The following FGF14 variants were observed in gnomAD, a reference collection of about 807,000 sequenced individuals.
FGF14 encodes fibroblast growth factor homologous factor 4.
Under a neutral mutation model 25.5 loss-of-function variants are expected in FGF14, and 5 were observed. The observed-to-expected ratio is 0.20, with a 90% CI of 0.10 to 0.41. The LOEUF (loss-of-function observed/expected upper bound fraction) is 0.41, where lower values mean the gene tolerates loss of function less well. Ranked by LOEUF, FGF14 falls within the 10% of genes least tolerant of loss-of-function variation. The probability of loss-of-function intolerance (pLI) is 1.00; values close to 1 mark genes in which losing one functional copy is unlikely to be tolerated. For missense variants in FGF14, 222 were observed against 320.1 expected (o/e 0.69, Z 2.34); for synonymous variants, 138 against 118.3 (o/e 1.17, Z -1.08).
At chr13:101,917,171 C>CCGCCGCCGG (rs994266823), upstream of FGF14, among the ~76,000 whole-genome samples, 1 of 150,244 alleles carries the variant, frequency 6.7e-6, no homozygotes, top group East Asian at 2.0e-4. Context: ...CGGGCCGGTG[C>CCGCCGCCGG]CGCCGCCGGC....
chr13:102,157,207 C>A (rs1331525911), intron 1 of FGF14, among the ~76,000 whole-genome samples: 2 of 152,170 alleles, frequency 1.3e-5, no homozygotes, highest in Non-Finnish European at 2.9e-5. Context: ...CAAGTCAATC[C>A]TAAGCCAAAA....
In FGF14 at chr13:101,714,488, T is replaced by C. The variant is rs1424298234; in HGVS notation, c.*8343A>G. On this transcript the variant is annotated 3_prime_UTR_variant, in exon 5 of 5. Coordinates refer to ENST00000376143, the MANE Select transcript of FGF14 (RefSeq NM_004115.4). ...TTGTTCTGCTGAAGAGTGGTATATTTCTGGGGAGTTCTGTGACTGTGATGA... is the reference window on the plus strand; with the variant it reads ...TTGTTCTGCTGAAGAGTGGTATATTCCTGGGGAGTTCTGTGACTGTGATGA... 13 of 1,613,066 alleles carry C rather than the reference T, an allele frequency of 8.1e-6. No homozygotes were observed. Among genetic ancestry groups the C allele is most frequent in the Non-Finnish European group, 1.7e-6 (2 of 1,179,164 alleles).
rs118016981 is a variant in FGF14, at chr13:101,787,576, A to G, written c.409-60766T>C. Among the ~76,000 whole-genome samples, 70 of 152,276 alleles carry G rather than the reference A, an allele frequency of 4.6e-4. 2 individuals carry two copies. In the East Asian group the frequency reaches 0.014, roughly 29 times the overall value. ...CAACGCATAACCCTACATGGTTCTC[A>G]GGAGAAACTCCCTGTGCTTTCTGAT... is the stretch of plus-strand genomic sequence containing the variant. On this transcript the variant is annotated intron_variant, in intron 3 of 4. Coordinates refer to ENST00000376143, the MANE Select transcript of FGF14 (RefSeq NM_004115.4).
At chr13:101,932,186 T>A (rs1179689632) in intron 1 of FGF14, among the ~76,000 whole-genome samples, 2 of 152,186 alleles carry the variant, frequency 1.3e-5, no homozygotes, top group Non-Finnish European at 2.9e-5. Flanking sequence ...CTTGCCTTTA[T>A]TTTGAGCCCA....
intron 4 of FGF14, among the ~76,000 whole-genome samples, chr13:101,724,749 T>C (rs7318046): frequency 0.33 from 50,294 of 150,222 alleles, 9,337 homozygotes; most frequent in East Asian, 0.5. Flanking sequence ...AAATTAATTT[T>C]CCTCTATCAA....
intron 1 of FGF14, among the ~76,000 whole-genome samples, chr13:101,928,715 C>T (rs1441562766): frequency 6.6e-6 from 1 of 152,120 alleles, no homozygotes; most frequent in African/African-American, 2.4e-5. Context: ...CAGCTCTCAG[C>T]CTGATTTCTC....
chr13:101,964,977 C>T (rs2037094971), intron 1 of FGF14, among the ~76,000 whole-genome samples: 1 of 152,114 alleles, frequency 6.6e-6, no homozygotes, highest in Admixed American at 6.6e-5. Context: ...CATAGTGGGT[C>T]ATGCCTGTAA....
intron 1 of FGF14, among the ~76,000 whole-genome samples, chr13:102,346,827 C>G (rs576620904): frequency 1.3e-5 from 2 of 152,072 alleles, no homozygotes; most frequent in South Asian, 2.1e-4. Context: ...ATGTGACTAG[C>G]GAGGCATTGC....
chr13:101,906,769 T>TC (rs1002390781), intron 1 of FGF14, among the ~76,000 whole-genome samples: 59 of 152,208 alleles, frequency 3.9e-4, no homozygotes, highest in African/African-American at 1.3e-3. Context: ...TGACAAAAAA[T>TC]TAACATAGAA....
chr13:102,281,404 T>C lies in FGF14; in HGVS notation c.208+120067A>G, dbSNP rs115887132. Among the ~76,000 whole-genome samples the C allele has an allele frequency of 4.3e-3, 662 of 152,256 alleles. 7 individuals are homozygous for C. The highest frequency in any genetic ancestry group is 0.015 in the African/African-American group (622 of 41,554). On this transcript the variant is annotated intron_variant, in intron 1 of 4. Coordinates refer to the FGF14 transcript ENST00000376131. ...CCCAGCAAAGAGAGGGTATGTCTCA[T>C]CAATGTTCTAGCATGTTTTGGTCCC...
At chr13:101,967,023 A>C (rs1250999374) in intron 1 of FGF14, among the ~76,000 whole-genome samples, 1 of 151,736 alleles carries the variant, frequency 6.6e-6, no homozygotes, top group Admixed American at 6.5e-5. Flanking sequence ...TAATAAGAAC[A>C]TCCAGGACTG....
At chr13:102,006,729 T>TTTTTTTTTTTTTTTTTTTTTTTTTTC (rs2039816217) in intron 1 of FGF14, among the ~76,000 whole-genome samples, 1 of 67,884 alleles carries the variant, frequency 1.5e-5, no homozygotes, top group African/African-American at 6.7e-5. Context: ...TCTTACTTCT[T>TTTTTTTTTTTTTTTTTTTTTTTTTTC]TTTTTTTTTT....
chr13:101,815,547 G>A (rs562986991), intron 3 of FGF14, among the ~76,000 whole-genome samples: 10 of 152,234 alleles, frequency 6.6e-5, no homozygotes, highest in African/African-American at 2.4e-4. Flanking sequence ...GGGCGGATTG[G>A]AGTTACTTTG....
chr13:102,117,797 A>C (rs1349676434), intron 1 of FGF14, among the ~76,000 whole-genome samples: 1 of 152,206 alleles, frequency 6.6e-6, no homozygotes, highest in Non-Finnish European at 1.5e-5. Context: ...AAATAAGAAA[A>C]ATATGTGTAA....
chr13:102,332,337 T>C (rs1012006090), intron 1 of FGF14, among the ~76,000 whole-genome samples: 5 of 152,158 alleles, frequency 3.3e-5, no homozygotes, highest in South Asian at 2.1e-4. Flanking sequence ...AATGCATAAA[T>C]GATGCAGTAG....
intron 1 of FGF14, among the ~76,000 whole-genome samples, chr13:102,153,914 T>G (rs1312406504): frequency 6.6e-6 from 1 of 152,180 alleles, no homozygotes; most frequent in African/African-American, 2.4e-5. Context: ...GGTGGTCTTA[T>G]CTAATTCTCA....
chr13:102,344,200 C>T (rs963059025), intron 1 of FGF14, among the ~76,000 whole-genome samples: 1 of 152,148 alleles, frequency 6.6e-6, no homozygotes, highest in Admixed American at 6.5e-5. Context: ...CTATTAAAAA[C>T]TAAATTAATC....
At chr13:101,787,007 ATC>A (rs2039874279) in intron 3 of FGF14, among the ~76,000 whole-genome samples, 1 of 152,120 alleles carries the variant, frequency 6.6e-6, no homozygotes, top group African/African-American at 2.4e-5. Flanking sequence ...CTAACATACA[ATC>A]TGTCTTGTCT....
chr13:101,820,995 T>C (rs533624739), intron 3 of FGF14, among the ~76,000 whole-genome samples: 4 of 149,488 alleles, frequency 2.7e-5, no homozygotes, highest in East Asian at 4.0e-4. Context: ...TCGCCCAGGC[T>C]GGAGTGCAGT....
Sources: gnomAD v4.1 joint callset for allele counts (sites outside exome capture counted in the v4.1 genomes callset) on GRCh38, gnomAD v4.1.1 for gene constraint, MANE v1.5 for transcripts, NCBI Gene and HGNC (gene_info 2026-07-23, HGNC 2026-07-21) for gene names.